Variants in LRP6 observed in about 807,000 individuals in gnomAD.
The protein encoded by LRP6 is LDL receptor related protein 6, also known as low-density lipoprotein receptor-related protein 6.
LRP6 carries 43 observed loss-of-function variants against 184.1 expected under a neutral mutation model. The observed-to-expected ratio is 0.23, with a 90% confidence interval of 0.18 to 0.30. The LOEUF is 0.30. Among genes scored for constraint, LRP6 ranks in the 10% least tolerant of loss-of-function variants. The pLI is 1.00. For synonymous variants in LRP6, 719 were observed against 684.9 expected, an observed-to-expected ratio of 1.05 and a Z score of -0.78; for missense variants, 1,571 against 2,005.3, an observed-to-expected ratio of 0.78 and a Z score of 4.14.
chr12:12,187,184 C>T lies in LRP6; in HGVS notation c.648-65G>A, dbSNP rs995826828. ...TTTTCTTCTTCTATCATAACGTCAC[C>T]TCTCCCATTAAAATGATCTTAGTTC... On this transcript the variant is annotated intron_variant, in intron 3 of 22. Transcript: ENST00000261349. 3.0e-6 allele frequency: 4 copies of T among 1,330,394 alleles called. No individual in the cohort carries two copies. The East Asian group carries it at 1.0e-4, about 33-fold the overall frequency. The allele number at this position is 1,330,394 out of a possible 1,614,324, so 82.4% of individuals were successfully genotyped here. A position where few individuals can be genotyped will look rare whatever the true frequency, so the allele number is the denominator to read the frequency against.
At chr12:12,195,599 A>C (rs1039964640) in intron 3 of LRP6, among the ~76,000 whole-genome samples, 1 of 152,082 alleles carries the variant, frequency 6.6e-6, no homozygotes, top group Admixed American at 6.6e-5. Flanking sequence ...TATTAATCCC[A>C]TGTCAGATGA....
At chr12:12,222,006 T>C (rs1002601181) in intron 2 of LRP6, among the ~76,000 whole-genome samples, 96 of 152,194 alleles carry the variant, frequency 6.3e-4, no homozygotes, top group Admixed American at 4.9e-3. Flanking sequence ...CCTTCCACTG[T>C]GCAAGACCAT....
At chr12:12,148,820 G>T in intron 14 of LRP6, 122 bp downstream of exon 14, 1 of 794,646 alleles carries the variant, frequency 1.3e-6, no homozygotes, top group South Asian at 1.4e-5. Flanking sequence ...CAAACTGATA[G>T]AGAATATTGA....
chr12:12,230,557 C>G (rs1318948118), intron 2 of LRP6, among the ~76,000 whole-genome samples: 1 of 151,934 alleles, frequency 6.6e-6, no homozygotes, highest in Non-Finnish European at 1.5e-5. Context: ...ATGTCATGAT[C>G]CTTGAAGTTA....
At chr12:12,228,442 T>A (rs1401765515) in intron 2 of LRP6, among the ~76,000 whole-genome samples, 2 of 152,212 alleles carry the variant, frequency 1.3e-5, no homozygotes, top group Admixed American at 6.5e-5. Flanking sequence ...CTTCAGTTTA[T>A]GCAGTGACCC....
chr12:12,225,344 G>A (rs941519410), intron 2 of LRP6, among the ~76,000 whole-genome samples: 1 of 152,030 alleles, frequency 6.6e-6, no homozygotes, highest in Admixed American at 6.6e-5. Context: ...AAGGTCACAG[G>A]GCAAACCACT....
At chr12:12,148,551 T>G (rs186439399) in intron 14 of LRP6, among the ~76,000 whole-genome samples, 41 of 152,008 alleles carry the variant, frequency 2.7e-4, no homozygotes, top group Non-Finnish European at 4.9e-4. Context: ...AAAAAATAAT[T>G]AAAAGTAACG....
intron 2 of LRP6, among the ~76,000 whole-genome samples, chr12:12,243,139 C>T (rs1294710305): frequency 1.3e-5 from 2 of 152,234 alleles, no homozygotes; most frequent in East Asian, 1.9e-4. Flanking sequence ...TTAGCCATGA[C>T]AGACTAGCCA....
At chr12:12,236,143 C>T (rs1486755568) in intron 2 of LRP6, among the ~76,000 whole-genome samples, 1 of 152,020 alleles carries the variant, frequency 6.6e-6, no homozygotes, top group East Asian at 1.9e-4. Context: ...AGGAGAATGG[C>T]GTGAACCCAG....
In LRP6 at chr12:12,164,310, G is replaced by A. The variant is rs1862815908; in HGVS notation, c.2015C>T (p.Thr672Ile). 1.9e-6 allele frequency: 3 copies of A among 1,614,064 alleles called. No homozygotes were observed. Among genetic ancestry groups the A allele is most frequent in the Non-Finnish European group, 2.5e-6 (3 of 1,179,982 alleles). ...KEASALDFDV[T>I]DNRIYWTDIS... Reference sequence around the variant, plus strand: ...ATCAGTCCAATAAATTCGGTTGTCTGTCACATCAAAATCCAAAGCAGAAGC... The same window carrying A: ...ATCAGTCCAATAAATTCGGTTGTCTATCACATCAAAATCCAAAGCAGAAGC... The change falls in exon 9 of 23, where the codon ACA becomes ATA. Residue 672 changes from threonine (T) to isoleucine (I), a missense_variant. Physicochemically the swap from Thr to Ile is moderately conservative, Grantham distance 89 (BLOSUM62 -1). This residue lies in a region of LRP6 where 640 missense variants were observed against 851.9 expected (regional missense o/e 0.75). Coordinates refer to ENST00000261349, the MANE Select transcript of LRP6 (RefSeq NM_002336.3).
At chr12:12,236,389 G>A (rs1323527078) in intron 2 of LRP6, among the ~76,000 whole-genome samples, 1 of 152,164 alleles carries the variant, frequency 6.6e-6, no homozygotes, top group Non-Finnish European at 1.5e-5. Flanking sequence ...AAATGCCCAT[G>A]AATCCATACT....
chr12:12,140,334 C>T (rs1949911115), intron 15 of LRP6, among the ~76,000 whole-genome samples: 2 of 151,804 alleles, frequency 1.3e-5, no homozygotes, highest in Admixed American at 6.6e-5. Context: ...GGTTGGGAGA[C>T]AAATTTGAGA....
intron 16 of LRP6, among the ~76,000 whole-genome samples, chr12:12,136,027 T>C (rs1949834510): frequency 6.6e-6 from 1 of 151,718 alleles, no homozygotes; most frequent in African/African-American, 2.4e-5. Context: ...TCTACTAAAA[T>C]ACAAAAGAAA....
intron 15 of LRP6, among the ~76,000 whole-genome samples, chr12:12,145,151 T>TA (rs967615556): frequency 2.6e-4 from 39 of 151,176 alleles, no homozygotes; most frequent in Non-Finnish European, 1.0e-4. Context: ...TCAAAAGACA[T>TA]AAATGCATTA....
At chr12:12,155,077 A>T (rs10466845) in intron 12 of LRP6, among the ~76,000 whole-genome samples, 31,021 of 150,714 alleles carry the variant, frequency 0.21, 3,673 homozygotes, top group African/African-American at 0.33. Context: ...ACGCCTGTAA[A>T]CTCAGCTACT....
intron 15 of LRP6, among the ~76,000 whole-genome samples, chr12:12,139,465 T>C (rs981198263): frequency 6.6e-6 from 1 of 152,202 alleles, no homozygotes; most frequent in African/African-American, 2.4e-5. Flanking sequence ...GGCACACACC[T>C]GTAATCTCAG....
At position 12,158,928 on chromosome 12, in the gene LRP6, C is replaced by T. The variant is rs770140953; in HGVS notation, c.2692G>A (p.Gly898Arg). The T allele has an allele frequency of 1.2e-6, 2 of 1,614,180 alleles. No homozygotes were observed. Among genetic ancestry groups the T allele is most frequent in the Non-Finnish European group, 1.7e-6 (2 of 1,180,032 alleles). The change falls in exon 12 of 23, where the codon GGG becomes AGG. Residue 898 changes from glycine (G) to arginine (R), a missense_variant. Gly to Arg is a moderately radical substitution (Grantham distance 125). Around this residue, in one of 4 missense-constraint regions of LRP6, gnomAD observed 158 missense variants for 258.4 expected, o/e 0.61. Coordinates refer to ENST00000261349, the MANE Select transcript of LRP6 (RefSeq NM_002336.3). Reference protein sequence around the residue: ...SGWNECASSNGHCSHLCLAVP... With the variant: ...SGWNECASSNRHCSHLCLAVP... ...GCCAAGCAGAGGTGGGAGCAGTGCC[C>T]ATTGCTGGAAGCACATTCATTCCAC...
chr12:12,261,953 G>A (rs939095860), intron 1 of LRP6, among the ~76,000 whole-genome samples: 3 of 152,088 alleles, frequency 2.0e-5, no homozygotes, highest in African/African-American at 7.2e-5. Flanking sequence ...CTCAAAAAAA[G>A]CTAAAAAGGC....
intron 16 of LRP6, 34 bp from the exon 17 acceptor site, chr12:12,135,334 G>A (rs749225564): frequency 9.8e-6 from 15 of 1,533,100 alleles, no homozygotes; most frequent in Non-Finnish European, 1.3e-5. Flanking sequence ...GGGGAGAGGA[G>A]GGGGAGTGGA....
Sources: gnomAD v4.1 joint callset for allele counts (sites outside exome capture counted in the v4.1 genomes callset) on GRCh38, gnomAD v4.1.1 for gene constraint, gnomAD v4.1.1 regional missense constraint, MANE v1.5 for transcripts, NCBI Gene and HGNC (gene_info 2026-07-23, HGNC 2026-07-21) for gene names.